KCNT1: variants seen among roughly 807,000 people sequenced by gnomAD.
KCNT1 encodes potassium sodium-activated channel subfamily T member 1.
In KCNT1, 78 loss-of-function variants were observed where a neutral mutation model predicts 147.8. That is an observed-to-expected ratio of 0.53 (90% CI 0.44 to 0.64). The LOEUF (loss-of-function observed/expected upper bound fraction) is 0.64, where lower values mean the gene tolerates loss of function less well. KCNT1 is among the 30% of genes least tolerant of loss of function. The probability of loss-of-function intolerance (pLI) is 0.00; values close to 1 mark genes in which losing one functional copy is unlikely to be tolerated. For missense variants in KCNT1, 1,419 were observed against 1,750.3 expected (o/e 0.81, Z 3.38); for synonymous variants, 867 against 748.8 (o/e 1.16, Z -2.58).
chr9:135,704,409 T>C (rs1415121636), intron 1 of KCNT1, among the ~76,000 whole-genome samples: 1 of 152,162 alleles, frequency 6.6e-6, no homozygotes, highest in South Asian at 2.1e-4. Flanking sequence ...GGCCGGAAAG[T>C]GGGGCTCCAG....
chr9:135,745,683 C>T (rs1830793189), intron 2 of KCNT1, among the ~76,000 whole-genome samples: 1 of 152,256 alleles, frequency 6.6e-6, no homozygotes, highest in Admixed American at 6.5e-5. Context: ...GTCCTCGGGA[C>T]ACGCCGGGAG....
intron 2 of KCNT1, among the ~76,000 whole-genome samples, chr9:135,720,389 G>A (rs1835876567): frequency 3.4e-5 from 4 of 118,306 alleles, no homozygotes; most frequent in Admixed American, 3.3e-4. Context: ...TTCTCAGCTG[G>A]TCGGGGAAGT....
chr9:135,757,473 G>C, intron 9 of KCNT1, 92 bp downstream of exon 9: 1 of 1,173,206 alleles, frequency 8.5e-7, no homozygotes, highest in South Asian at 1.2e-5. Context: ...AGCCTGCCAC[G>C]CCCCGGCCCT....
rs150998744 is a variant in KCNT1, at chr9:135,713,469, TTGG to T, written c.111-1104_111-1102del. ...GGGTTAGGGGACACAGGAGAGGCAC[TTGG>T]TGGGGGCTCAAGGAATGTGCCCACC... On this transcript the variant is annotated intron_variant, in intron 1 of 30. Coordinates refer to ENST00000371757, the MANE Select transcript of KCNT1 (RefSeq NM_020822.3). 6.0e-3 allele frequency among the ~76,000 whole-genome samples: 913 copies of T among 152,308 alleles called. 4 individuals carry two copies. The highest frequency in any genetic ancestry group is 0.02 in the African/African-American group (811 of 41,566).
chr9:135,708,462 C>T (rs1835347068), intron 1 of KCNT1, among the ~76,000 whole-genome samples: 1 of 152,234 alleles, frequency 6.6e-6, no homozygotes, highest in Non-Finnish European at 1.5e-5. Flanking sequence ...ATGGCTCGCC[C>T]AGCTCCTGGA....
chr9:135,760,677 C>T (rs1264964579), intron 11 of KCNT1, among the ~76,000 whole-genome samples: 1 of 152,190 alleles, frequency 6.6e-6, no homozygotes, highest in Non-Finnish European at 1.5e-5. Flanking sequence ...GGTATGGGCC[C>T]AGGCCAGGCC....
intron 2 of KCNT1, among the ~76,000 whole-genome samples, chr9:135,748,927 G>A (rs1019631015): frequency 2.0e-5 from 3 of 147,650 alleles, no homozygotes; most frequent in Non-Finnish European, 4.5e-5. Flanking sequence ...AGGAGCAGAC[G>A]TCATGGAGGG....
intron 2 of KCNT1, among the ~76,000 whole-genome samples, chr9:135,738,268 C>G (rs1830420598): frequency 6.6e-6 from 1 of 152,202 alleles, no homozygotes; most frequent in Non-Finnish European, 1.5e-5. Flanking sequence ...CCCGGCAGCC[C>G]CTGAGGTGCA....
intron 2 of KCNT1, among the ~76,000 whole-genome samples, chr9:135,743,449 C>T (rs1327227836): frequency 5.9e-5 from 9 of 152,254 alleles, no homozygotes; most frequent in East Asian, 3.9e-4. Context: ...TCAGCACTCA[C>T]GGCTGTTGAG....
intron 2 of KCNT1, among the ~76,000 whole-genome samples, chr9:135,746,994 G>C (rs111969774): frequency 6.6e-6 from 1 of 152,118 alleles, no homozygotes; most frequent in South Asian, 2.1e-4. Flanking sequence ...GCCTCGGGGA[G>C]GGGGAGCCGG....
At chr9:135,728,464 G>A (rs569013011) in intron 2 of KCNT1, among the ~76,000 whole-genome samples, 1 of 152,364 alleles carries the variant, frequency 6.6e-6, no homozygotes, top group African/African-American at 2.4e-5. Flanking sequence ...CACTGCGGAT[G>A]TAACAGCCAC....
Position 135,765,739 on chromosome 9 carries a change from A to C in KCNT1, c.1316A>C (p.Asp439Ala). The C allele has an allele frequency of 6.4e-7, 1 of 1,573,026 alleles. No homozygotes were observed. The highest frequency in any genetic ancestry group is 8.7e-7 in the Non-Finnish European group (1 of 1,153,940). ...TACCTCCAGGGCTCTGCACTCAAAG[A>C]CCAGGACCTCATGCGAGCCAAGTGA... Reference protein sequence around the residue: ...VIYLQGSALKDQDLMRAKMDN... With the variant: ...VIYLQGSALKAQDLMRAKMDN... The change falls in exon 13 of 31, where the codon GAC becomes GCC. Residue 439 changes from aspartate (D) to alanine (A), a missense_variant. Transcript: ENST00000371757.
chr9:135,747,097 G>A (rs1408845879), intron 2 of KCNT1, among the ~76,000 whole-genome samples: 1 of 152,112 alleles, frequency 6.6e-6, no homozygotes, highest in Non-Finnish European at 1.5e-5. Context: ...GGGCTGGGTG[G>A]GAGAGAGGCA....
chr9:135,777,032 A>C (rs1833217776), intron 20 of KCNT1, among the ~76,000 whole-genome samples: 1 of 152,262 alleles, frequency 6.6e-6, no homozygotes, highest in South Asian at 2.1e-4. Flanking sequence ...ACGTGTGTGC[A>C]TACACATGAC....
At chr9:135,788,761 G>A (rs1026363461) in intron 29 of KCNT1, among the ~76,000 whole-genome samples, 5 of 152,296 alleles carry the variant, frequency 3.3e-5, no homozygotes, top group African/African-American at 1.2e-4. Context: ...CTTCCTGCTC[G>A]GCTCGAGCAG....
chr9:135,718,221 C>G (rs544521785), intron 2 of KCNT1, among the ~76,000 whole-genome samples: 2 of 152,346 alleles, frequency 1.3e-5, no homozygotes, highest in South Asian at 4.1e-4. Context: ...CAGGGGTCGT[C>G]TGCCTGGCCT....
chr9:135,770,950 C>T lies in KCNT1; in HGVS notation c.1863C>T (p.Thr621=), dbSNP rs1832714419. 6.2e-7 allele frequency: 1 copy of T among 1,613,684 alleles called. No individual in the cohort carries two copies. The highest frequency in any genetic ancestry group is 1.1e-5 in the South Asian group (1 of 91,010). ...GGCACATCCTGGCCGCCTCTGACACCTGCTTCTACATCAACATCACCAAGG... is the reference window on the plus strand; with the variant it reads ...GGCACATCCTGGCCGCCTCTGACACTTGCTTCTACATCAACATCACCAAGG... ...GPRHILAASD[T]CFYINITKEE... The change falls in exon 18 of 31, where the codon ACC becomes ACT. Residue 621 remains threonine, a synonymous_variant. Coordinates refer to ENST00000371757, the MANE Select transcript of KCNT1 (RefSeq NM_020822.3).
chr9:135,711,414 G>A (rs1028693728), intron 1 of KCNT1, among the ~76,000 whole-genome samples: 5 of 152,198 alleles, frequency 3.3e-5, no homozygotes, highest in South Asian at 4.1e-4. Context: ...TGCCTCTGCC[G>A]GGACCTCAGT....
chr9:135,725,670 C>T (rs1836106273), intron 2 of KCNT1, among the ~76,000 whole-genome samples: 1 of 152,174 alleles, frequency 6.6e-6, no homozygotes, highest in Non-Finnish European at 1.5e-5. Context: ...CACTCTGGGA[C>T]AGCACCAAAG....
Sources: gnomAD v4.1 joint callset for allele counts (sites outside exome capture counted in the v4.1 genomes callset) on GRCh38, gnomAD v4.1.1 for gene constraint, MANE v1.5 for transcripts, NCBI Gene and HGNC (gene_info 2026-07-23, HGNC 2026-07-21) for gene names.